The following ZRANB3 variants were observed in gnomAD, a reference collection of about 807,000 sequenced individuals.
ZRANB3 encodes DNA annealing helicase and endonuclease ZRANB3.
Under a neutral mutation model 133.8 loss-of-function variants are expected in ZRANB3, and 125 were observed. The ratio of observed to expected loss-of-function variants is 0.93; its 90% CI spans 0.81 to 1.08. ZRANB3 has a LOEUF of 1.08. ZRANB3 is among the 50% of genes least tolerant of loss of function. The pLI is 0.00. For synonymous variants in ZRANB3, 387 were observed against 432.7 expected, an observed-to-expected ratio of 0.89 and a Z score of 1.31; for missense variants, 1,229 against 1,275.5, an observed-to-expected ratio of 0.96 and a Z score of 0.56.
intron 2 of ZRANB3, among the ~76,000 whole-genome samples, chr2:135,498,778 C>T (rs567019464): frequency 1.5e-4 from 23 of 152,238 alleles, no homozygotes; most frequent in African/African-American, 5.3e-4. Context: ...TATCTTTTTA[C>T]GGTTGTAGAT....
chr2:135,256,283 C>T (rs1434680572), intron 12 of ZRANB3, among the ~76,000 whole-genome samples: 2 of 152,078 alleles, frequency 1.3e-5, no homozygotes, highest in Non-Finnish European at 2.9e-5. Context: ...GCTTCTTTCA[C>T]TTAGCAAATT....
intron 5 of ZRANB3, among the ~76,000 whole-genome samples, chr2:135,346,164 T>A (rs1163078568): frequency 6.6e-6 from 1 of 152,260 alleles, no homozygotes; most frequent in Non-Finnish European, 1.5e-5. Flanking sequence ...TGGCGTGATC[T>A]TGGCTCACTG....
At chr2:135,330,203 G>T (rs1391024956) in intron 6 of ZRANB3, among the ~76,000 whole-genome samples, 1 of 152,086 alleles carries the variant, frequency 6.6e-6, no homozygotes, top group Non-Finnish European at 1.5e-5. Context: ...ATCATAAATA[G>T]CTCTTATTAT....
chr2:135,390,697 A>G, intron 3 of ZRANB3, 105 bp downstream of exon 3: 3 of 1,490,998 alleles, frequency 2.0e-6, no homozygotes, highest in Non-Finnish European at 2.7e-6. Flanking sequence ...CCATCCCCAT[A>G]TACAGACATA....
intron 8 of ZRANB3, among the ~76,000 whole-genome samples, chr2:135,277,362 C>G (rs904452043): frequency 6.6e-6 from 1 of 152,182 alleles, no homozygotes; most frequent in Admixed American, 6.5e-5. Flanking sequence ...CGCAGAGCTT[C>G]TAGTCAGTGG....
At chr2:135,527,872 T>G (rs1270131092) in intron 1 of ZRANB3, among the ~76,000 whole-genome samples, 2 of 152,184 alleles carry the variant, frequency 1.3e-5, no homozygotes, top group African/African-American at 4.8e-5. Flanking sequence ...GCAGATGACC[T>G]TTACTTTCTT....
intron 10 of ZRANB3, among the ~76,000 whole-genome samples, chr2:135,269,575 C>T (rs751601703): frequency 6.6e-6 from 1 of 152,164 alleles, no homozygotes; most frequent in Admixed American, 6.6e-5. Flanking sequence ...AAAACAACGT[C>T]TCTGGTTATA....
At chr2:135,273,320 GA>G (rs762545167) in intron 9 of ZRANB3, among the ~76,000 whole-genome samples, 1 of 152,016 alleles carries the variant, frequency 6.6e-6, no homozygotes, top group Non-Finnish European at 1.5e-5. Context: ...TGGAACATAT[GA>G]ATATTCACTT....
At chr2:135,330,380 C>G (rs1684076953) in intron 6 of ZRANB3, among the ~76,000 whole-genome samples, 1 of 152,172 alleles carries the variant, frequency 6.6e-6, no homozygotes, top group Non-Finnish European at 1.5e-5. Flanking sequence ...TATGTTGAAC[C>G]AGGCTTGCAT....
intron 2 of ZRANB3, among the ~76,000 whole-genome samples, chr2:135,462,432 A>ATGTAGCCTATTCTCAGGCAACTTTC (rs1559015290): frequency 6.6e-5 from 10 of 152,196 alleles, no homozygotes; most frequent in Non-Finnish European, 1.0e-4. Context: ...GCCGTGGCAA[A>ATGTAGCCTATTCTCAGGCAACTTTC]TGTAGCCTAT....
intron 3 of ZRANB3, among the ~76,000 whole-genome samples, chr2:135,372,165 C>CAAA (rs568486324): frequency 1.1e-5 from 1 of 88,600 alleles, no homozygotes; most frequent in Non-Finnish European, 2.5e-5. Context: ...GACTCTGTCT[C>CAAA]AAAAAAAAAA....
At chr2:135,423,203 C>T (rs778341325) in intron 2 of ZRANB3, among the ~76,000 whole-genome samples, 3 of 152,136 alleles carry the variant, frequency 2.0e-5, no homozygotes, top group African/African-American at 4.8e-5. Flanking sequence ...AAGGCTGAGG[C>T]GGGCTGATCA....
intron 2 of ZRANB3, among the ~76,000 whole-genome samples, chr2:135,493,123 A>G (rs1692473678): frequency 6.1e-5 from 1 of 16,490 alleles, no homozygotes; most frequent in Non-Finnish European, 9.7e-5. Flanking sequence ...ATATATATAT[A>G]TATATATATA....
At chr2:135,234,246 A>G (rs978721724) in intron 12 of ZRANB3, among the ~76,000 whole-genome samples, 1 of 152,250 alleles carries the variant, frequency 6.6e-6, no homozygotes, top group African/African-American at 2.4e-5. Flanking sequence ...AGAGCTAACT[A>G]TCCTAAATAT....
chr2:135,424,096 A>G (rs188345059), intron 2 of ZRANB3, among the ~76,000 whole-genome samples: 1 of 152,362 alleles, frequency 6.6e-6, no homozygotes, highest in Admixed American at 6.5e-5. Flanking sequence ...CTGATGATTT[A>G]AAAAGAAAAG....
At position 135,271,804 on chromosome 2, in the gene ZRANB3, A is replaced by G. The variant is rs1315081373; in HGVS notation, c.1170T>C (p.Thr390=). 6.2e-7 allele frequency: 1 copy of G among 1,613,810 alleles called. No individual in the cohort carries two copies. Among genetic ancestry groups the G allele is most frequent in the Non-Finnish European group, 8.5e-7 (1 of 1,179,818 alleles). The part of the protein sequence containing the change: ...LVNQFQKDPD[T]RVAILSIQAA... ...CCTGAATGCTTAGGATAGCCACGCG[A>G]GTGTCAGGATCCTTTTGAAACTGAT... The change falls in exon 10 of 21, where the codon ACT becomes ACC. Residue 390 remains threonine (T), a synonymous_variant. Coordinates refer to ENST00000264159, the MANE Select transcript of ZRANB3 (RefSeq NM_032143.4).
intron 3 of ZRANB3, among the ~76,000 whole-genome samples, chr2:135,381,267 T>C (rs1489052957): frequency 1.3e-5 from 2 of 152,178 alleles, no homozygotes; most frequent in Non-Finnish European, 2.9e-5. Context: ...CACAGCAGTC[T>C]GAGATCGAAC....
chr2:135,477,197 A>G (rs1485420820), intron 2 of ZRANB3, among the ~76,000 whole-genome samples: 1 of 152,210 alleles, frequency 6.6e-6, no homozygotes, highest in Non-Finnish European at 1.5e-5. Context: ...CATAACCAGA[A>G]AGAGGGAGAA....
At chr2:135,474,957 C>T (rs1397746768) in intron 2 of ZRANB3, among the ~76,000 whole-genome samples, 1 of 152,128 alleles carries the variant, frequency 6.6e-6, no homozygotes, top group East Asian at 1.9e-4. Context: ...CAAAAACACA[C>T]CACCCTTGCA....
Sources: allele counts gnomAD v4.1 joint callset (sites outside exome capture counted in the v4.1 genomes callset), GRCh38; gene constraint gnomAD v4.1.1; transcripts MANE v1.5; gene names NCBI Gene and HGNC (gene_info 2026-07-23, HGNC 2026-07-21).